The following PTK2B variants were observed in gnomAD, a reference collection of about 807,000 sequenced individuals.
PTK2B encodes the protein protein-tyrosine kinase 2-beta.
PTK2B carries 71 observed loss-of-function variants against 142.9 expected under a neutral mutation model. The ratio of observed to expected loss-of-function variants is 0.50; its 90% CI spans 0.41 to 0.61. The LOEUF (loss-of-function observed/expected upper bound fraction) is 0.61, where lower values mean the gene tolerates loss of function less well. Among genes scored for constraint, PTK2B ranks in the 20% least tolerant of loss-of-function variants. PTK2B has a pLI of 0.00. For synonymous variants in PTK2B, 519 were observed against 503.4 expected, an observed-to-expected ratio of 1.03 and a Z score of -0.42; for missense variants, 1,105 against 1,320.4, an observed-to-expected ratio of 0.84 and a Z score of 2.53.
intron 1 of PTK2B, among the ~76,000 whole-genome samples, chr8:27,360,737 A>T (rs934692041): frequency 1.3e-5 from 2 of 152,228 alleles, no homozygotes; most frequent in Non-Finnish European, 2.9e-5. Flanking sequence ...GATGTGAAAG[A>T]CTTCTGTGCA....
chr8:27,321,215 C>T (rs924813189), upstream of PTK2B, among the ~76,000 whole-genome samples: 8 of 151,814 alleles, frequency 5.3e-5, no homozygotes, highest in Admixed American at 4.6e-4. Context: ...AGGCTGGCCT[C>T]GAACTCTTGG....
intron 24 of PTK2B, among the ~76,000 whole-genome samples, chr8:27,447,204 A>C (rs940827513): frequency 1.3e-5 from 2 of 152,238 alleles, no homozygotes; most frequent in Non-Finnish European, 2.9e-5. Flanking sequence ...AGGAAAAAAG[A>C]CCTTTTGTAT....
chr8:27,431,518 C>A, intron 9 of PTK2B, 46 bp downstream of exon 9: 1 of 1,609,040 alleles, frequency 6.2e-7, no homozygotes, highest in South Asian at 1.1e-5. Flanking sequence ...GCGGGGAGGT[C>A]GTCCCCTCTC....
At chr8:27,364,370 C>T (rs539171149) in intron 1 of PTK2B, among the ~76,000 whole-genome samples, 132 of 152,296 alleles carry the variant, frequency 8.7e-4, no homozygotes, top group Non-Finnish European at 1.6e-3. Flanking sequence ...GAAAGAAGTG[C>T]GTAACGCATT....
At chr8:27,349,838 A>G (rs1001378577) in intron 1 of PTK2B, among the ~76,000 whole-genome samples, 1 of 152,240 alleles carries the variant, frequency 6.6e-6, no homozygotes, top group Non-Finnish European at 1.5e-5. Context: ...CTGAGAGGTG[A>G]TGGTTGCTTG....
intron 2 of PTK2B, among the ~76,000 whole-genome samples, chr8:27,398,775 A>G (rs893444151): frequency 5.3e-5 from 8 of 152,202 alleles, no homozygotes; most frequent in Non-Finnish European, 7.3e-5. Context: ...CAGTGTCCCT[A>G]AACTCCATGA....
At chr8:27,411,202 G>C (rs890182264) in intron 2 of PTK2B, among the ~76,000 whole-genome samples, 2 of 152,186 alleles carry the variant, frequency 1.3e-5, no homozygotes, top group African/African-American at 4.8e-5. Flanking sequence ...CGGTCAGGGA[G>C]CTCTGGGTGG....
At chr8:27,341,907 G>A (rs548976402) in intron 1 of PTK2B, among the ~76,000 whole-genome samples, 1 of 152,168 alleles carries the variant, frequency 6.6e-6, no homozygotes, top group South Asian at 2.1e-4. Context: ...AACCCCTGGG[G>A]TCAAGTGATC....
In PTK2B at chr8:27,435,730, C is replaced by T. The variant is rs375630925; in HGVS notation, c.1193-13C>T. 5.0e-6 allele frequency: 8 copies of T among 1,613,996 alleles called. No homozygotes were observed. The highest frequency in any genetic ancestry group is 1.7e-5 in the Admixed American group (1 of 60,006). On this transcript the variant is annotated splice_polypyrimidine_tract_variant and intron_variant, in intron 13 of 30. Transcript: ENST00000346049. ...CATCTTGTCCACGGCTGAGCCTCTT[C>T]CTGTTGTTCCAGAGTCAGACATCTA...
At chr8:27,359,480 A>G (rs1182327222) in intron 1 of PTK2B, among the ~76,000 whole-genome samples, 1 of 152,192 alleles carries the variant, frequency 6.6e-6, no homozygotes, top group African/African-American at 2.4e-5. Context: ...TTTCTAATCT[A>G]TAACGTGCAT....
In PTK2B at chr8:27,356,476, A is replaced by G. The variant is rs137915385; in HGVS notation, c.-38+30795A>G. ...AGCTGAAAAGCCAATGAATTCATGG[A>G]ATGCAGTATAGATCCTCACTGCTCA... On this transcript the variant is annotated intron_variant, in intron 1 of 30. Transcript: ENST00000346049. 5.6e-3 allele frequency among the ~76,000 whole-genome samples: 846 copies of G among 152,314 alleles called. 10 individuals carry two copies. Among genetic ancestry groups the G allele is most frequent in the African/African-American group, 0.02 (812 of 41,582 alleles).
upstream of PTK2B, among the ~76,000 whole-genome samples, chr8:27,325,101 T>G (rs1803333585): frequency 6.6e-6 from 1 of 152,222 alleles, no homozygotes. Context: ...GGGGCCACTT[T>G]AGGACATGGA....
At chr8:27,438,080 A>G in intron 18 of PTK2B, 200 bp downstream of exon 18, 1 of 546,624 alleles carries the variant, frequency 1.8e-6, no homozygotes, top group African/African-American at 1.9e-5. Context: ...TATGTACCTC[A>G]TGGGGTTGTT....
At chr8:27,403,797 C>T (rs1001001428) in intron 2 of PTK2B, among the ~76,000 whole-genome samples, 1 of 151,956 alleles carries the variant, frequency 6.6e-6, no homozygotes, top group Admixed American at 6.6e-5. Flanking sequence ...CTTCTTCTTT[C>T]TTTGTTCTTC....
At chr8:27,410,183 TG>T (rs1417087240) in intron 2 of PTK2B, among the ~76,000 whole-genome samples, 1 of 152,146 alleles carries the variant, frequency 6.6e-6, no homozygotes, top group Non-Finnish European at 1.5e-5. Context: ...CTGTCCCAGG[TG>T]GGGTTCCTGG....
chr8:27,451,098 C>CGCCTCCTCCATGCCAAGGCCTG lies in PTK2B; in HGVS notation c.2523+22_2523+43dup. 1 of 1,608,978 alleles carries CGCCTCCTCCATGCCAAGGCCTG rather than the reference C, an allele frequency of 6.2e-7. No homozygotes were observed. The stretch of plus-strand genomic sequence containing the variant: ...CCATTGGTGAGTTGCCAGGAGAGGC[C>CGCCTCCTCCATGCCAAGGCCTG]GCCTCCTCCATGCCAAGGCCTGGGA... On this transcript the variant is annotated intron_variant, in intron 26 of 30. Coordinates refer to ENST00000346049, the MANE Select transcript of PTK2B (RefSeq NM_173176.3).
chr8:27,395,739 A>G (rs1258962259), intron 1 of PTK2B, among the ~76,000 whole-genome samples: 1 of 152,164 alleles, frequency 6.6e-6, no homozygotes, highest in Non-Finnish European at 1.5e-5. Context: ...CAGTAGGATT[A>G]AACTGTGGTT....
At chr8:27,366,343 TC>T (rs1365102646) in intron 1 of PTK2B, among the ~76,000 whole-genome samples, 1 of 152,224 alleles carries the variant, frequency 6.6e-6, no homozygotes, top group South Asian at 2.1e-4. Flanking sequence ...GTTCCCATCT[TC>T]TGAGGTTTTG....
intron 1 of PTK2B, among the ~76,000 whole-genome samples, chr8:27,357,773 T>TA (rs1456262938): frequency 6.6e-6 from 1 of 152,226 alleles, no homozygotes; most frequent in East Asian, 1.9e-4. Context: ...GGCTTGGAAT[T>TA]ACAGCTGCAT....
Sources: gnomAD v4.1 joint callset for allele counts (sites outside exome capture counted in the v4.1 genomes callset) on GRCh38, gnomAD v4.1.1 for gene constraint, MANE v1.5 for transcripts, NCBI Gene and HGNC (gene_info 2026-07-23, HGNC 2026-07-21) for gene names.